ZRANB3: variants seen among roughly 807,000 people sequenced by gnomAD.
The protein encoded by ZRANB3 is zinc finger RANBP2-type containing 3.
Under a neutral mutation model 133.8 loss-of-function variants are expected in ZRANB3, and 125 were observed. The ratio of observed to expected loss-of-function variants is 0.93; its 90% CI spans 0.81 to 1.08. The LOEUF (loss-of-function observed/expected upper bound fraction) is 1.08, where lower values mean the gene tolerates loss of function less well. Among genes scored for constraint, ZRANB3 ranks in the 50% least tolerant of loss-of-function variants. The pLI, the probability that ZRANB3 is intolerant of heterozygous loss-of-function variation, is 0.00. For synonymous variants in ZRANB3, 387 were observed against 432.7 expected (o/e 0.89, Z 1.31); for missense variants, 1,229 against 1,275.5 (o/e 0.96, Z 0.56).
At position 135,506,699 on chromosome 2, in the gene ZRANB3, A is replaced by G. The variant is rs183035986; in HGVS notation, c.-7-2203T>C. Among the ~76,000 whole-genome samples, 30 of 152,252 alleles carry G rather than the reference A, an allele frequency of 2.0e-4. No homozygotes were observed. The East Asian group carries it at 5.6e-3, about 28-fold the overall frequency. Reference sequence around the variant, plus strand: ...ATACAGAACATTTCTCTCTTCACTTAAAGTTCTATTGGACAGTACTCAATG... The same window carrying G: ...ATACAGAACATTTCTCTCTTCACTTGAAGTTCTATTGGACAGTACTCAATG... On this transcript the variant is annotated intron_variant, in intron 1 of 20. Transcript: ENST00000264159.
rs1693922334 is a variant in ZRANB3 at position 135,207,515 on chromosome 2, A to C, written c.2928T>G (p.Phe976Leu). The change falls in exon 19 of 21, where the codon TTT becomes TTG. Residue 976 changes from phenylalanine (F) to leucine (L), a missense_variant. Transcript: ENST00000264159. ...QLCNVNAQEL[F>L]LRLRDAPKSQ... Reference sequence around the variant, plus strand: ...TTTTAGGGGCATCTCTCAGACGTAAAAAGAGTTCTTGTGCGTTCACATTAC... The same window carrying C: ...TTTTAGGGGCATCTCTCAGACGTAACAAGAGTTCTTGTGCGTTCACATTAC... 9 of 1,613,870 alleles carry C rather than the reference A, an allele frequency of 5.6e-6. No individual in the cohort carries two copies. The highest frequency in any genetic ancestry group is 7.6e-6 in the Non-Finnish European group (9 of 1,179,902).
chr2:135,230,666 G>A lies in ZRANB3; in HGVS notation c.1801C>T (p.Arg601Ter), dbSNP rs200823309. 1.7e-4 allele frequency: 278 copies of A among 1,613,598 alleles called. 1 individual carries two copies. In the African/African-American group the frequency reaches 3.2e-3, roughly 19 times the overall value. Reference protein sequence around the residue: ...EETPSQSKQIRTPLVESVQEA... With the variant: ...EETPSQSKQI ...TGTACACTTTCCACGAGTGGAGTTC[G>A]GATTTGCTTGGACTGGGATGGTGTC... Residue 601 changes from arginine (R) to a stop codon, truncating the protein, a stop_gained, in exon 13 of 21, where the codon CGA (arginine) becomes TGA (stop). Coordinates refer to ENST00000264159, the MANE Select transcript of ZRANB3 (RefSeq NM_032143.4). LOFTEE classifies it high-confidence loss of function.
At chr2:135,260,595 GTATA>G (rs1321619829) in intron 12 of ZRANB3, among the ~76,000 whole-genome samples, 1 of 146,564 alleles carries the variant, frequency 6.8e-6, no homozygotes, top group Non-Finnish European at 1.5e-5. Context: ...ATATATTCAA[GTATA>G]TATAGTATAT....
At chr2:135,319,742 TAC>T (rs2104832343) in intron 6 of ZRANB3, among the ~76,000 whole-genome samples, 1 of 152,332 alleles carries the variant, frequency 6.6e-6, no homozygotes, top group South Asian at 2.1e-4. Context: ...GCCATTCCTA[TAC>T]TAGGTTGGCT....
intron 6 of ZRANB3, among the ~76,000 whole-genome samples, chr2:135,344,823 A>G (rs144538304): frequency 6.6e-6 from 1 of 152,352 alleles, no homozygotes; most frequent in East Asian, 1.9e-4. Flanking sequence ...TACATACTAG[A>G]CGAAGAAAGC....
At position 135,474,588 on chromosome 2, in the gene ZRANB3, C is replaced by T. The variant is rs79421697; in HGVS notation, c.161+29741G>A. Among the ~76,000 whole-genome samples the T allele has an allele frequency of 5.2e-3, 785 of 152,252 alleles. 4 individuals carry two copies. Among genetic ancestry groups the T allele is most frequent in the Non-Finnish European group, 8.0e-3 (546 of 68,024 alleles). On this transcript the variant is annotated intron_variant, in intron 2 of 20. Transcript: ENST00000264159. ...TATGACATGCCTGCTCCTAACCTTC[C>T]ACCATGAGTAAAAGCTTTGTGAGGT...
At chr2:135,479,037 G>A (rs773954356) in intron 2 of ZRANB3, among the ~76,000 whole-genome samples, 3 of 151,632 alleles carry the variant, frequency 2.0e-5, no homozygotes, top group Non-Finnish European at 4.4e-5. Context: ...TTCCAAAGTA[G>A]TTGTGCCAAT....
At chr2:135,200,917 A>G (rs1432652900) in intron 20 of ZRANB3, among the ~76,000 whole-genome samples, 1 of 151,914 alleles carries the variant, frequency 6.6e-6, no homozygotes, top group Non-Finnish European at 1.5e-5. Flanking sequence ...CACCACACCC[A>G]GCTAATTTTT....
At chr2:135,286,087 AT>A (rs1482073847) in intron 8 of ZRANB3, among the ~76,000 whole-genome samples, 1 of 151,968 alleles carries the variant, frequency 6.6e-6, no homozygotes, top group Admixed American at 6.6e-5. Context: ...TTTTTATTTT[AT>A]TAGGTTTTTG....
At chr2:135,356,017 G>C (rs1378557661) in intron 3 of ZRANB3, among the ~76,000 whole-genome samples, 7 of 152,078 alleles carry the variant, frequency 4.6e-5, no homozygotes, top group Non-Finnish European at 1.0e-4. Context: ...CTTCATGTAT[G>C]ACTAACAATG....
chr2:135,368,381 T>C (rs1034162497), intron 3 of ZRANB3, among the ~76,000 whole-genome samples: 5 of 152,038 alleles, frequency 3.3e-5, no homozygotes, highest in African/African-American at 7.2e-5. Context: ...AAAATGAATA[T>C]GTTAAGACCA....
rs189901745 is a variant in ZRANB3, at chr2:135,437,069, C to T, written c.162-46249G>A. Among the ~76,000 whole-genome samples the T allele has an allele frequency of 4.2e-4, 64 of 152,318 alleles. 1 individual carries two copies. In the Middle Eastern group the frequency reaches 0.01, roughly 24 times the overall value. ...CCACCTCCTGGGTTCAAGCGATTCT[C>T]CTGCCTCCGCTTCCTAAGTAGCTGG... On this transcript the variant is annotated intron_variant, in intron 2 of 20. Coordinates refer to ENST00000264159, the MANE Select transcript of ZRANB3 (RefSeq NM_032143.4).
intron 12 of ZRANB3, among the ~76,000 whole-genome samples, chr2:135,256,740 G>C (rs1158528954): frequency 6.6e-6 from 1 of 152,160 alleles, no homozygotes; most frequent in Non-Finnish European, 1.5e-5. Context: ...AGACCTGCTG[G>C]GCTGCATTTC....
At chr2:135,450,246 A>G (rs1397845137) in intron 2 of ZRANB3, among the ~76,000 whole-genome samples, 1 of 151,738 alleles carries the variant, frequency 6.6e-6, no homozygotes, top group Non-Finnish European at 1.5e-5. Context: ...AGCCTGGGTG[A>G]CAGAGCACTC....
At chr2:135,370,890 G>T (rs559257792) in intron 3 of ZRANB3, among the ~76,000 whole-genome samples, 16 of 152,306 alleles carry the variant, frequency 1.1e-4, no homozygotes, top group Admixed American at 8.5e-4. Flanking sequence ...GATAATGAGT[G>T]AATCTCATGA....
chr2:135,434,754 T>G (rs1689459522), intron 2 of ZRANB3, among the ~76,000 whole-genome samples: 2 of 152,220 alleles, frequency 1.3e-5, no homozygotes, highest in African/African-American at 4.8e-5. Flanking sequence ...GACTATAAAC[T>G]AATCTAAGCT....
At chr2:135,435,750 T>C (rs888494173) in intron 2 of ZRANB3, among the ~76,000 whole-genome samples, 5 of 152,210 alleles carry the variant, frequency 3.3e-5, no homozygotes, top group African/African-American at 1.2e-4. Context: ...TCAGTGATAC[T>C]GAGTTTTTAT....
At chr2:135,220,862 T>TTA (rs1694522184) in intron 15 of ZRANB3, among the ~76,000 whole-genome samples, 1 of 150,214 alleles carries the variant, frequency 6.7e-6, no homozygotes, top group African/African-American at 2.5e-5. Flanking sequence ...GAATTTATTT[T>TTA]TTTTTTTTTT....
intron 2 of ZRANB3, among the ~76,000 whole-genome samples, chr2:135,486,918 G>C (rs1443994956): frequency 6.6e-6 from 1 of 152,206 alleles, no homozygotes; most frequent in Non-Finnish European, 1.5e-5. Context: ...CATGAATCAT[G>C]AATGTCCTTA....
Sources: allele counts gnomAD v4.1 joint callset (sites outside exome capture counted in the v4.1 genomes callset), GRCh38; gene constraint gnomAD v4.1.1; transcripts MANE v1.5; gene names NCBI Gene and HGNC (gene_info 2026-07-23, HGNC 2026-07-21).